Variants in GRIA3 observed in about 807,000 individuals in gnomAD.
GRIA3 encodes the protein glutamate receptor 3.
In GRIA3, 3 loss-of-function variants were observed where a neutral mutation model predicts 63.0. The observed-to-expected ratio is 0.05, with a 90% CI of 0.02 to 0.12. GRIA3 has a LOEUF of 0.12. Ranked by LOEUF, GRIA3 falls within the 10% of genes least tolerant of loss-of-function variation. The probability of loss-of-function intolerance (pLI) is 1.00; values close to 1 mark genes in which losing one functional copy is unlikely to be tolerated. For synonymous variants in GRIA3, 274 were observed against 257.9 expected (o/e 1.06, Z -0.60); for missense variants, 347 against 700.9 (o/e 0.50, Z 5.70).
At chrX:123,392,511 G>A (rs957572378) in intron 5 of GRIA3, among the ~76,000 whole-genome samples, 1 of 111,231 alleles carries the variant, frequency 9.0e-6, no homozygotes, top group African/African-American at 3.3e-5. Context: ...ACAATCTCTA[G>A]GCAACTCCTT....
At chrX:123,229,455 G>C (rs1460194195) in intron 2 of GRIA3, among the ~76,000 whole-genome samples, 1 of 111,280 alleles carries the variant, frequency 9.0e-6, no homozygotes, top group Non-Finnish European at 1.9e-5. Flanking sequence ...AAATTAATCT[G>C]AATAGCCTAT....
At chrX:123,338,623 TC>T (rs2044988893) in intron 4 of GRIA3, among the ~76,000 whole-genome samples, 1 of 112,191 alleles carries the variant, frequency 8.9e-6, no homozygotes, top group Admixed American at 9.4e-5. Context: ...TGATCTTGGC[TC>T]ACTGGAACCT....
intron 12 of GRIA3, among the ~76,000 whole-genome samples, chrX:123,463,768 GAGAAAGAAAGAA>G (rs1323460901): frequency 1.1e-5 from 1 of 94,306 alleles, no homozygotes; most frequent in African/African-American, 4.5e-5. Context: ...AAAGAAAGAA[GAGAAAGAAAGAA>G]AAAGAAAGAG....
chrX:123,442,432 C>G (rs1304718999), intron 12 of GRIA3, among the ~76,000 whole-genome samples: 7 of 111,756 alleles, frequency 6.3e-5, no homozygotes, highest in Non-Finnish European at 1.3e-4. Context: ...GAACAAAGAT[C>G]AAAGAGTGGA....
intron 13 of GRIA3, among the ~76,000 whole-genome samples, chrX:123,476,437 G>T (rs1410925308): frequency 8.9e-6 from 1 of 111,776 alleles, no homozygotes; most frequent in South Asian, 3.8e-4. Flanking sequence ...CATCTAATAA[G>T]GTACAGTAAG....
intron 4 of GRIA3, among the ~76,000 whole-genome samples, chrX:123,337,027 C>T (rs929401281): frequency 8.9e-6 from 1 of 111,799 alleles, no homozygotes; most frequent in African/African-American, 3.3e-5. Context: ...ACTCAAAAGG[C>T]ATTTAAAAGC....
intron 15 of GRIA3, among the ~76,000 whole-genome samples, chrX:123,484,429 T>TTTG (rs749698430): frequency 1.5e-4 from 17 of 111,383 alleles, no homozygotes; most frequent in African/African-American, 3.9e-4. Flanking sequence ...GCATTTGTGT[T>TTTG]TTGTTGTTGT....
intron 2 of GRIA3, among the ~76,000 whole-genome samples, chrX:123,189,573 A>G (rs1305652430): frequency 8.9e-6 from 1 of 112,628 alleles, no homozygotes; most frequent in Non-Finnish European, 1.9e-5. Context: ...CCCTCTCCGC[A>G]CTGTCATTGC....
intron 2 of GRIA3, among the ~76,000 whole-genome samples, chrX:123,193,024 T>C (rs1927481409): frequency 9.1e-6 from 1 of 110,319 alleles, no homozygotes; most frequent in Admixed American, 9.8e-5. Context: ...CTCTTATCCA[T>C]CTTTGTATCT....
At chrX:123,372,689 T>C (rs924625054) in intron 5 of GRIA3, among the ~76,000 whole-genome samples, 7 of 111,546 alleles carry the variant, frequency 6.3e-5, no homozygotes, top group Non-Finnish European at 1.1e-4. Flanking sequence ...TGTTGGCATA[T>C]AGAAATGCTA....
At chrX:123,457,087 G>A (rs1241278278) in intron 12 of GRIA3, among the ~76,000 whole-genome samples, 1 of 111,801 alleles carries the variant, frequency 8.9e-6, no homozygotes, top group Non-Finnish European at 1.9e-5. Flanking sequence ...CAAAATGAGT[G>A]AGGAAAAGTC....
intron 12 of GRIA3, among the ~76,000 whole-genome samples, chrX:123,457,371 A>C (rs2045767789): frequency 8.9e-6 from 1 of 111,986 alleles, no homozygotes; most frequent in South Asian, 3.8e-4. Context: ...TGAAACAGGG[A>C]GAAAGTGGTA....
chrX:123,373,040 G>A (rs1474099304), intron 5 of GRIA3, among the ~76,000 whole-genome samples: 14 of 106,411 alleles, frequency 1.3e-4, no homozygotes, highest in Non-Finnish European at 2.1e-4. Flanking sequence ...AACAGGCCCC[G>A]GTGTGTGATG....
chrX:123,232,230 C>T (rs1472288943), intron 2 of GRIA3, among the ~76,000 whole-genome samples: 2 of 111,620 alleles, frequency 1.8e-5, no homozygotes, highest in African/African-American at 3.3e-5. Context: ...AGTACCCTGT[C>T]CACAAGGGCA....
intron 7 of GRIA3, among the ~76,000 whole-genome samples, chrX:123,400,293 T>C (rs1019688063): frequency 9.0e-6 from 1 of 111,678 alleles, no homozygotes; most frequent in Non-Finnish European, 1.9e-5. Context: ...GCTCAAGTTA[T>C]AAGCCAGGTA....
intron 12 of GRIA3, among the ~76,000 whole-genome samples, chrX:123,459,965 C>T (rs773211315): frequency 3.6e-5 from 4 of 111,626 alleles, no homozygotes; most frequent in South Asian, 3.8e-4. Context: ...TCTTTTCCCC[C>T]TTCTAATCTT....
chrX:123,238,719 G>T (rs919077702), intron 2 of GRIA3, among the ~76,000 whole-genome samples: 5 of 104,449 alleles, frequency 4.8e-5, no homozygotes, highest in African/African-American at 1.3e-4. Context: ...TAGGAAAAGG[G>T]AAGAAAGATT....
At chrX:123,264,267 A>G (rs1385326012) in intron 3 of GRIA3, among the ~76,000 whole-genome samples, 3 of 112,234 alleles carry the variant, frequency 2.7e-5, no homozygotes, top group Non-Finnish European at 5.6e-5. Flanking sequence ...TTTCATATAG[A>G]GTCTCTAACC....
intron 2 of GRIA3, among the ~76,000 whole-genome samples, chrX:123,211,300 A>G (rs1928036232): frequency 8.9e-6 from 1 of 111,800 alleles, no homozygotes; most frequent in African/African-American, 3.3e-5. Flanking sequence ...CTGGCTATAA[A>G]TACCTTACAA....
Sources: allele counts gnomAD v4.1 joint callset (sites outside exome capture counted in the v4.1 genomes callset), GRCh38; gene constraint gnomAD v4.1.1; transcripts MANE v1.5; gene names NCBI Gene and HGNC (gene_info 2026-07-23, HGNC 2026-07-21).